The following TXNDC9 variants were observed in gnomAD, a reference collection of about 807,000 sequenced individuals.
TXNDC9 encodes the protein thioredoxin domain-containing protein 9.
TXNDC9 carries 7 observed loss-of-function variants against 23.0 expected under a neutral mutation model. That is an observed-to-expected ratio of 0.30 (90% confidence interval 0.17 to 0.57). TXNDC9 has a LOEUF of 0.57. TXNDC9 is among the 20% of genes least tolerant of loss of function. The probability of loss-of-function intolerance (pLI) is 0.90; values close to 1 mark genes in which losing one functional copy is unlikely to be tolerated. For synonymous variants in TXNDC9, 72 were observed against 90.6 expected, an observed-to-expected ratio of 0.79 and a Z score of 1.17; for missense variants, 198 against 252.6, an observed-to-expected ratio of 0.78 and a Z score of 1.47.
chr2:99,333,024 G>T lies in TXNDC9; in HGVS notation c.187C>A (p.Gln63Lys), dbSNP rs765698551. 34 of 1,612,914 alleles carry T rather than the reference G, an allele frequency of 2.1e-5. No individual in the cohort carries two copies. The highest frequency in any genetic ancestry group is 1.6e-4 in the Middle Eastern group (1 of 6,084). ...QALRKAQQQK[Q>K]EWLSKGHGEY... The stretch of plus-strand genomic sequence containing the variant: ...AGAAAGCAGGGCAGAGAGGTTACTT[G>T]TTTCTGCTGTTGAGCTTTCCTTAGT... Residue 63 changes from glutamine to lysine, a missense_variant and splice_region_variant, in exon 2 of 5, where the codon CAA (glutamine) becomes AAA (lysine). Gln to Lys is a moderately conservative substitution (Grantham distance 53). Coordinates refer to ENST00000264255, the MANE Select transcript of TXNDC9 (RefSeq NM_005783.4).
chr2:99,336,285 A>C lies in TXNDC9; in HGVS notation c.-79T>G. 11 of 985,336 alleles carry C rather than the reference A, an allele frequency of 1.1e-5. No individual in the cohort carries two copies. The highest frequency in any genetic ancestry group is 1.3e-5 in the Non-Finnish European group (11 of 829,942). The allele number at this position is 985,336 out of a possible 1,614,324, so 61.0% of individuals were successfully genotyped here. A position where few individuals can be genotyped will look rare whatever the true frequency, so the allele number is the denominator to read the frequency against. ...AGAAGTGAAAGAGCAGCAGTTTCAAAAGACACGTCCACTCCGGCTTTTGCC... is the reference window on the plus strand; with the variant it reads ...AGAAGTGAAAGAGCAGCAGTTTCAACAGACACGTCCACTCCGGCTTTTGCC... On this transcript the variant is annotated 5_prime_UTR_variant, in exon 1 of 5. Transcript: ENST00000264255.
downstream of TXNDC9, among the ~76,000 whole-genome samples, chr2:99,316,015 A>G (rs1207761181): frequency 6.6e-6 from 1 of 151,922 alleles, no homozygotes; most frequent in Non-Finnish European, 1.5e-5. Flanking sequence ...GTTTTTTTGA[A>G]TTTGTTGAAT....
intron 3 of TXNDC9, among the ~76,000 whole-genome samples, chr2:99,323,004 G>A (rs1574905606): frequency 1.3e-5 from 2 of 152,164 alleles, no homozygotes; most frequent in South Asian, 2.1e-4. Context: ...CTTGTGATCC[G>A]CCTGCCTCGG....
intron 1 of TXNDC9, 141 bp downstream of exon 1, chr2:99,336,098 G>T: frequency 1.4e-6 from 1 of 737,814 alleles, no homozygotes; most frequent in Non-Finnish European, 1.7e-6. Flanking sequence ...GCCTCCTGGT[G>T]CGCTTGCGCA....
downstream of TXNDC9, among the ~76,000 whole-genome samples, chr2:99,316,968 G>A (rs192084001): frequency 6.0e-3 from 908 of 152,248 alleles, 5 homozygotes; most frequent in Non-Finnish European, 0.011. Flanking sequence ...GTGTTAGCCA[G>A]GACGGTCTCG....
chr2:99,322,688 G>C (rs1258471376), intron 3 of TXNDC9: 1 of 1,495,530 alleles, frequency 6.7e-7, no homozygotes, highest in African/African-American at 1.4e-5. Context: ...TTAAGGCTAA[G>C]GGTTACTAAT....
chr2:99,322,638 T>C, intron 3 of TXNDC9: 1 of 1,544,460 alleles, frequency 6.5e-7, no homozygotes, highest in Non-Finnish European at 8.7e-7. Flanking sequence ...AGGAAAAACT[T>C]CTTACTCCTA....
At chr2:99,308,044 C>T in the TXNDC9 span, among the ~76,000 whole-genome samples, 1 of 152,192 alleles carries the variant, frequency 6.6e-6, no homozygotes, top group Admixed American at 6.5e-5. Flanking sequence ...CTCTAGAGTC[C>T]ATAGACGGAA....
intron 2 of TXNDC9, among the ~76,000 whole-genome samples, chr2:99,330,263 C>G (rs1217510109): frequency 1.8e-5 from 2 of 108,350 alleles, no homozygotes. Context: ...GCACTCCAGC[C>G]GGGGCAACAG....
chr2:99,327,778 TTTG>T, intron 2 of TXNDC9, 125 bp from the exon 3 acceptor site: 10 of 600,224 alleles, frequency 1.7e-5, no homozygotes, highest in South Asian at 2.7e-5. Context: ...AAGTTTTTTT[TTTG>T]TTTGTTTTTG....
chr2:99,311,149 C>T, the TXNDC9 span, among the ~76,000 whole-genome samples: 1 of 152,070 alleles, frequency 6.6e-6, no homozygotes, highest in Non-Finnish European at 1.5e-5. Flanking sequence ...TCTCAGTCTC[C>T]CCAGTAGCTG....
chr2:99,336,291 C>T lies in TXNDC9; in HGVS notation c.-85G>A. On this transcript the variant is annotated 5_prime_UTR_variant, in exon 1 of 5. It adds an upstream start codon to the 5' untranslated region. Transcript: ENST00000264255. ...GAAAGAGCAGCAGTTTCAAAAGACA[C>T]GTCCACTCCGGCTTTTGCCTTGCAG... 2 of 985,526 alleles carry T rather than the reference C, an allele frequency of 2.0e-6. No homozygotes were observed. The highest frequency in any genetic ancestry group is 2.4e-6 in the Non-Finnish European group (2 of 829,992). The allele number at this position is 985,526 out of a possible 1,614,324, so 61.0% of individuals were successfully genotyped here. A position where few individuals can be genotyped will look rare whatever the true frequency, so the allele number is the denominator to read the frequency against.
intron 4 of TXNDC9, 36 bp downstream of exon 4, chr2:99,321,915 ATATG>A (rs756819683): frequency 1.4e-5 from 22 of 1,538,936 alleles, no homozygotes; most frequent in Non-Finnish European, 1.8e-5. Context: ...TATCAACTAT[ATATG>A]AATTAAAATC....
intron 4 of TXNDC9, among the ~76,000 whole-genome samples, chr2:99,320,449 G>C (rs184681285): frequency 3.3e-5 from 5 of 152,284 alleles, no homozygotes; most frequent in Admixed American, 3.3e-4. Context: ...TCGATAATCT[G>C]AATCTAATCT....
the TXNDC9 span, among the ~76,000 whole-genome samples, chr2:99,311,131 A>G: frequency 6.6e-6 from 1 of 150,794 alleles, no homozygotes; most frequent in East Asian, 2.0e-4. Context: ...GCTCCAGTGA[A>G]CCTCCCATCT....
chr2:99,333,912 G>A (rs2094231861), intron 1 of TXNDC9, among the ~76,000 whole-genome samples: 1 of 152,166 alleles, frequency 6.6e-6, no homozygotes, highest in Non-Finnish European at 1.5e-5. Flanking sequence ...TGTTAACTTT[G>A]ATGTAAAACA....
At chr2:99,306,468 C>T in the TXNDC9 span, among the ~76,000 whole-genome samples, 5 of 151,806 alleles carry the variant, frequency 3.3e-5, no homozygotes, top group African/African-American at 4.8e-5. Flanking sequence ...CAAAGAATGG[C>T]GCTGTGTTTG....
At chr2:99,325,730 G>T (rs1210777575) in intron 3 of TXNDC9, among the ~76,000 whole-genome samples, 1 of 152,156 alleles carries the variant, frequency 6.6e-6, no homozygotes, top group South Asian at 2.1e-4. Flanking sequence ...AACAAGTGAG[G>T]CCGGGTGCCG....
chr2:99,322,910 T>G (rs561033796), intron 3 of TXNDC9, among the ~76,000 whole-genome samples: 2 of 152,162 alleles, frequency 1.3e-5, no homozygotes, highest in African/African-American at 4.8e-5. Flanking sequence ...TACAGGCGCC[T>G]GCCACCATGC....
Sources: allele counts gnomAD v4.1 joint callset (sites outside exome capture counted in the v4.1 genomes callset), GRCh38; gene constraint gnomAD v4.1.1; transcripts MANE v1.5; gene names NCBI Gene and HGNC (gene_info 2026-07-23, HGNC 2026-07-21).